The following SMC1A variants were observed in gnomAD, a reference collection of about 807,000 sequenced individuals.
SMC1A encodes the protein structural maintenance of chromosomes 1A, also known as structural maintenance of chromosomes protein 1A.
A neutral mutation model predicts 94.5 loss-of-function variants in SMC1A; 4 were observed. The ratio of observed to expected loss-of-function variants is 0.04; its 90% CI spans 0.02 to 0.10. The LOEUF is 0.10. Among genes scored for constraint, SMC1A ranks in the 10% least tolerant of loss-of-function variants. The pLI, the probability that SMC1A is intolerant of heterozygous loss-of-function variation, is 1.00. For synonymous variants in SMC1A, 345 were observed against 347.7 expected, an observed-to-expected ratio of 0.99 and a Z score of 0.09; for missense variants, 304 against 989.0, an observed-to-expected ratio of 0.31 and a Z score of 9.29.
chrX:53,394,243 G>A lies in SMC1A; in HGVS notation c.2973+535C>T, dbSNP rs782774905. On this transcript the variant is annotated intron_variant, in intron 19 of 24. Transcript: ENST00000322213. Reference sequence around the variant, plus strand: ...TAATTGATTATGTAAAGTGAAAGAGGGAGAAGTCAAGGATGAGGCTCAAAT... The same window carrying A: ...TAATTGATTATGTAAAGTGAAAGAGAGAGAAGTCAAGGATGAGGCTCAAAT... 1.7e-3 allele frequency among the ~76,000 whole-genome samples: 183 copies of A among 110,402 alleles called. No individual in the cohort carries two copies. The Middle Eastern group carries it at 0.019, about 11-fold the overall frequency.
At chrX:53,385,310 G>A (rs1169636965) in intron 19 of SMC1A, among the ~76,000 whole-genome samples, 2 of 93,061 alleles carry the variant, frequency 2.1e-5, no homozygotes, top group African/African-American at 4.2e-5. Context: ...TTCCTCTGTC[G>A]CCCAAGCTGG....
At chrX:53,401,834 G>C (rs1172912290) in intron 15 of SMC1A, among the ~76,000 whole-genome samples, 2 of 110,468 alleles carry the variant, frequency 1.8e-5, no homozygotes, top group Admixed American at 1.9e-4. Context: ...CTGATTAAGA[G>C]GTTAGACCTC....
Position 53,374,506 on chromosome X carries a change from T to A in SMC1A, c.*5597A>T, listed in dbSNP as rs1192506462. 8.9e-6 allele frequency: 1 copy of A among 112,184 alleles called. No homozygotes were observed. Among genetic ancestry groups the A allele is most frequent in the African/African-American group, 3.2e-5 (1 of 30,776 alleles). 9.2% of individuals were successfully genotyped at this position (112,184 alleles called of 1,213,427 possible). A position where few individuals can be genotyped will look rare whatever the true frequency, so the allele number is the denominator to read the frequency against. On this transcript the variant is annotated 3_prime_UTR_variant, in exon 25 of 25. Coordinates refer to ENST00000322213, the MANE Select transcript of SMC1A (RefSeq NM_006306.4). ...ATTAATCCATGGCTTTTCTGCATTGTAGCTCCTGCTGCCTCTTCCATTCCT... is the reference window on the plus strand; with the variant it reads ...ATTAATCCATGGCTTTTCTGCATTGAAGCTCCTGCTGCCTCTTCCATTCCT...
intron 9 of SMC1A, among the ~76,000 whole-genome samples, chrX:53,407,824 C>T (rs1556889967): frequency 1.8e-5 from 2 of 111,178 alleles, no homozygotes; most frequent in Non-Finnish European, 3.8e-5. Context: ...AGAAAAAACA[C>T]TTTGGTTTTT....
intron 19 of SMC1A, among the ~76,000 whole-genome samples, chrX:53,385,066 GA>G (rs1569352436): frequency 9.1e-6 from 1 of 110,104 alleles, no homozygotes; most frequent in African/African-American, 3.3e-5. Context: ...GGAGGGCACA[GA>G]AAGAGAAGAT....
chrX:53,398,751 T>C (rs2075660726), intron 16 of SMC1A, among the ~76,000 whole-genome samples: 1 of 111,559 alleles, frequency 9.0e-6, no homozygotes, highest in Non-Finnish European at 1.9e-5. Context: ...CGTAGCATGA[T>C]TTGCTAAATT....
In SMC1A at chrX:53,374,642, TAGTC is replaced by T. The variant is rs1368900102; in HGVS notation, c.*5457_*5460del. The T allele has an allele frequency of 3.6e-5, 4 of 112,075 alleles. No homozygotes were observed. Among genetic ancestry groups the T allele is most frequent in the African/African-American group, 1.3e-4 (4 of 30,668 alleles). 9.2% of individuals were successfully genotyped at this position (112,075 alleles called of 1,213,427 possible). A position where few individuals can be genotyped will look rare whatever the true frequency, so the allele number is the denominator to read the frequency against. The stretch of plus-strand genomic sequence containing the variant: ...GCCTTCTGCTGCTTTGTGGATCTCA[TAGTC>T]AGTTTTGTCTCACGGTTTCTGTTCC... On this transcript the variant is annotated 3_prime_UTR_variant, in exon 25 of 25. Coordinates refer to ENST00000322213, the MANE Select transcript of SMC1A (RefSeq NM_006306.4).
intron 19 of SMC1A, among the ~76,000 whole-genome samples, chrX:53,391,174 G>A (rs2075628126): frequency 9.2e-6 from 1 of 108,617 alleles, no homozygotes; most frequent in Non-Finnish European, 1.9e-5. Flanking sequence ...AATTATCTGG[G>A]CATGGTGGCG....
At chrX:53,411,936 CCAAGTCAGCA>C in intron 6 of SMC1A, 35 bp from the exon 7 acceptor site, 2 of 1,211,553 alleles carry the variant, frequency 1.7e-6, no homozygotes, top group Non-Finnish European at 2.2e-6. Context: ...ACAGGGATGA[CCAAGTCAGCA>C]GATGTCAGCC....
chrX:53,411,737 C>A (rs1556890549), intron 7 of SMC1A, 24 bp downstream of exon 7: 1 of 1,205,416 alleles, frequency 8.3e-7, no homozygotes. Context: ...GACCATCATC[C>A]CTAATCTTAT....
chrX:53,387,389 G>A (rs781808995), intron 19 of SMC1A, among the ~76,000 whole-genome samples: 10 of 112,249 alleles, frequency 8.9e-5, no homozygotes, highest in Non-Finnish European at 1.7e-4. Flanking sequence ...GCTAGGAACT[G>A]AGATTTTCAG....
intron 16 of SMC1A, 80 bp downstream of exon 16, chrX:53,399,509 C>T: frequency 3.1e-6 from 3 of 966,888 alleles, no homozygotes; most frequent in Non-Finnish European, 4.4e-6. Flanking sequence ...AAGTTGTGGA[C>T]ATTATCCTTC....
chrX:53,414,705 T>A (rs903371759), intron 3 of SMC1A, 53 bp downstream of exon 3: 8 of 750,810 alleles, frequency 1.1e-5, no homozygotes, highest in Non-Finnish European at 1.5e-5. Context: ...AGAGTGGGGA[T>A]GGGACATGGT....
At chrX:53,418,210 C>A (rs1456660381) in intron 1 of SMC1A, among the ~76,000 whole-genome samples, 1 of 112,387 alleles carries the variant, frequency 8.9e-6, no homozygotes, top group Non-Finnish European at 1.9e-5. Flanking sequence ...CTATCGCCCA[C>A]GCTAGATTGC....
intron 9 of SMC1A, among the ~76,000 whole-genome samples, chrX:53,406,832 G>T (rs2075692930): frequency 3.6e-5 from 4 of 111,234 alleles, no homozygotes; most frequent in African/African-American, 9.8e-5. Context: ...CGAGTAGCTG[G>T]GATTACAGGT....
chrX:53,409,302 G>A, intron 8 of SMC1A, 33 bp from the exon 9 acceptor site: 1 of 1,188,647 alleles, frequency 8.4e-7, no homozygotes, highest in African/African-American at 1.7e-5. Flanking sequence ...AGTTACTCCT[G>A]CTGGTGAGAA....
At position 53,408,702 on chromosome X, in the gene SMC1A, G is replaced by C. The variant is rs111533725; in HGVS notation, c.1545+360C>G. 7.9e-3 allele frequency among the ~76,000 whole-genome samples: 873 copies of C among 110,201 alleles called. 8 individuals are homozygous for C. Among genetic ancestry groups the C allele is most frequent in the African/African-American group, 0.028 (851 of 30,248 alleles). On this transcript the variant is annotated intron_variant, in intron 9 of 24. Transcript: ENST00000322213. ...CTGGGAGAGTAATTCCAGCCCCATG[G>C]CCCCACCTGCTTCCAAAATCTTTCC...
intron 16 of SMC1A, among the ~76,000 whole-genome samples, chrX:53,397,572 C>A (rs2075655995): frequency 2.7e-5 from 2 of 74,402 alleles, no homozygotes; most frequent in Admixed American, 2.8e-4. Context: ...CAGGGCGAGA[C>A]CTTGTCTCAA....
At chrX:53,396,771 AT>A (rs1214701424) in intron 16 of SMC1A, among the ~76,000 whole-genome samples, 154 bp from the exon 17 acceptor site, 1 of 111,460 alleles carries the variant, frequency 9.0e-6, no homozygotes, top group Non-Finnish European at 1.9e-5. Context: ...TCAGCCTCCT[AT>A]CTTTTTAAAA....
Sources: allele counts gnomAD v4.1 joint callset (sites outside exome capture counted in the v4.1 genomes callset), GRCh38; gene constraint gnomAD v4.1.1; transcripts MANE v1.5; gene names NCBI Gene and HGNC (gene_info 2026-07-23, HGNC 2026-07-21).